The following PPP1R9A variants were observed in gnomAD, a reference collection of about 807,000 sequenced individuals.
PPP1R9A encodes protein phosphatase 1 regulatory subunit 9A, also known as neurabin-1.
In PPP1R9A, 59 loss-of-function variants were observed where a neutral mutation model predicts 141.9. That is an observed-to-expected ratio of 0.42 (90% CI 0.34 to 0.52). PPP1R9A has a LOEUF of 0.52. PPP1R9A is among the 20% of genes least tolerant of loss of function. PPP1R9A has a pLI of 0.10. For missense variants in PPP1R9A, 1,444 were observed against 1,611.9 expected, an observed-to-expected ratio of 0.90 and a Z score of 1.78; for synonymous variants, 500 against 569.7, an observed-to-expected ratio of 0.88 and a Z score of 1.74.
chr7:95,143,958 C>G (rs1202934513), intron 4 of PPP1R9A, among the ~76,000 whole-genome samples: 1 of 151,926 alleles, frequency 6.6e-6, no homozygotes, highest in Non-Finnish European at 1.5e-5. Flanking sequence ...ATTCATCAAG[C>G]TAATTAACAT....
At chr7:95,223,493 A>C (rs1178973325) in intron 7 of PPP1R9A, among the ~76,000 whole-genome samples, 1 of 151,986 alleles carries the variant, frequency 6.6e-6, no homozygotes, top group Non-Finnish European at 1.5e-5. Context: ...TCTGTCTATT[A>C]CCAAGTTAAT....
chr7:95,269,078 T>G, intron 13 of PPP1R9A, 129 bp from the exon 14 acceptor site: 1 of 841,258 alleles, frequency 1.2e-6, no homozygotes, highest in Non-Finnish European at 1.8e-6. Context: ...TGCATTCTCA[T>G]CTGTAAATCA....
At chr7:95,099,031 T>C (rs1818411584) in intron 2 of PPP1R9A, among the ~76,000 whole-genome samples, 1 of 152,234 alleles carries the variant, frequency 6.6e-6, no homozygotes. Flanking sequence ...ATACACCTTG[T>C]ATTGGTCCTC....
intron 2 of PPP1R9A, among the ~76,000 whole-genome samples, chr7:95,010,806 A>G (rs1228775267): frequency 6.6e-6 from 1 of 152,144 alleles, no homozygotes; most frequent in Non-Finnish European, 1.5e-5. Context: ...CTATTGCTAT[A>G]ACAGATAATA....
intron 12 of PPP1R9A, among the ~76,000 whole-genome samples, chr7:95,266,372 A>G (rs1490701498): frequency 6.6e-6 from 1 of 152,042 alleles, no homozygotes; most frequent in East Asian, 1.9e-4. Context: ...AAGATTAATT[A>G]TAATATTTTA....
chr7:94,942,672 C>T (rs1285659022), intron 2 of PPP1R9A, among the ~76,000 whole-genome samples: 7 of 151,856 alleles, frequency 4.6e-5, no homozygotes, highest in Admixed American at 2.0e-4. Context: ...GGCATGGTGG[C>T]GGGCACCTGT....
At chr7:94,962,611 T>C (rs1285162349) in intron 2 of PPP1R9A, among the ~76,000 whole-genome samples, 1 of 152,108 alleles carries the variant, frequency 6.6e-6, no homozygotes, top group African/African-American at 2.4e-5. Context: ...GCGTATAGTA[T>C]TCAATCAAAA....
At chr7:95,196,063 A>G (rs890597843) in intron 5 of PPP1R9A, among the ~76,000 whole-genome samples, 1 of 115,488 alleles carries the variant, frequency 8.7e-6, no homozygotes, top group South Asian at 3.3e-4. Flanking sequence ...AATAAAATAC[A>G]CACATACGTG....
rs1308761811 is a variant in PPP1R9A at position 95,273,989 on chromosome 7, A to G, written c.3212+3A>G. 1 of 1,503,848 alleles carries G rather than the reference A, an allele frequency of 6.6e-7. No homozygotes were observed. Among genetic ancestry groups the G allele is most frequent in the Non-Finnish European group, 9.1e-7 (1 of 1,094,744 alleles). The allele number at this position is 1,503,848 out of a possible 1,614,324, so 93.2% of individuals were successfully genotyped here. A position where few individuals can be genotyped will look rare whatever the true frequency, so the allele number is the denominator to read the frequency against. On this transcript the variant is annotated splice_donor_region_variant and intron_variant, in intron 15 of 19. Coordinates refer to ENST00000433360, the MANE Select transcript of PPP1R9A (RefSeq NM_001166160.2). ...AAGCGGAAGTTTGTGGATCTGGGGTAAGCACTTCACGATGTAAAAAGAAAG... is the reference window on the plus strand; with the variant it reads ...AAGCGGAAGTTTGTGGATCTGGGGTGAGCACTTCACGATGTAAAAAGAAAG...
chr7:95,194,530 T>A (rs1052922191), intron 5 of PPP1R9A, among the ~76,000 whole-genome samples: 13 of 152,004 alleles, frequency 8.6e-5, no homozygotes, highest in African/African-American at 2.9e-4. Context: ...AAAATATGTA[T>A]TTCTTCATAG....
chr7:95,249,968 G>C, intron 9 of PPP1R9A, 58 bp from the exon 10 acceptor site: 1 of 1,484,548 alleles, frequency 6.7e-7, no homozygotes, highest in Non-Finnish European at 8.9e-7. Context: ...ATAAAAATGA[G>C]AGATTTTTGC....
At chr7:95,214,709 A>T (rs1792917612) in intron 7 of PPP1R9A, among the ~76,000 whole-genome samples, 1 of 152,244 alleles carries the variant, frequency 6.6e-6, no homozygotes, top group South Asian at 2.1e-4. Flanking sequence ...CAGCTTCTGG[A>T]GTATACTTTC....
At chr7:95,143,851 T>G (rs1827127204) in intron 4 of PPP1R9A, among the ~76,000 whole-genome samples, 1 of 151,772 alleles carries the variant, frequency 6.6e-6, no homozygotes, top group Non-Finnish European at 1.5e-5. Flanking sequence ...AATTTTTAAT[T>G]TGTTTTTTTT....
chr7:95,248,196 A>ATATATTT (rs1389328637), intron 9 of PPP1R9A, among the ~76,000 whole-genome samples: 1 of 148,158 alleles, frequency 6.7e-6, no homozygotes, highest in Non-Finnish European at 1.5e-5. Flanking sequence ...TTAAAAATAT[A>ATATATTT]TTTTAAATTA....
chr7:95,141,723 TA>T (rs1826734589), intron 4 of PPP1R9A, among the ~76,000 whole-genome samples: 1 of 152,128 alleles, frequency 6.6e-6, no homozygotes, highest in Non-Finnish European at 1.5e-5. Context: ...TATTGCAAAA[TA>T]ATATTCCATT....
At chr7:95,005,395 T>C (rs888842325) in intron 2 of PPP1R9A, among the ~76,000 whole-genome samples, 1 of 152,180 alleles carries the variant, frequency 6.6e-6, no homozygotes, top group Non-Finnish European at 1.5e-5. Flanking sequence ...AACATTAGTA[T>C]TGAACTTTTG....
chr7:95,150,792 C>A (rs542799099), intron 4 of PPP1R9A, among the ~76,000 whole-genome samples: 2,174 of 152,132 alleles, frequency 0.014, 22 homozygotes, highest in Non-Finnish European at 0.022. Flanking sequence ...TTAAAGTATA[C>A]GAAAAGCTCT....
chr7:95,050,035 G>A (rs1810570858), intron 2 of PPP1R9A, among the ~76,000 whole-genome samples: 1 of 152,128 alleles, frequency 6.6e-6, no homozygotes, highest in Admixed American at 6.6e-5. Context: ...TGTGATTGCT[G>A]GATTGTATGG....
At chr7:95,102,279 T>C (rs927300652) in intron 2 of PPP1R9A, among the ~76,000 whole-genome samples, 4 of 152,162 alleles carry the variant, frequency 2.6e-5, no homozygotes, top group African/African-American at 9.7e-5. Flanking sequence ...TGTGGCAATA[T>C]TAAAAAACGT....
Sources: gnomAD v4.1 joint callset for allele counts (sites outside exome capture counted in the v4.1 genomes callset) on GRCh38, gnomAD v4.1.1 for gene constraint, MANE v1.5 for transcripts, NCBI Gene and HGNC (gene_info 2026-07-23, HGNC 2026-07-21) for gene names.